Variants in SPOCK3 observed in about 807,000 individuals in gnomAD.
The protein encoded by SPOCK3 is testican-3.
A neutral mutation model predicts 56.6 loss-of-function variants in SPOCK3; 30 were observed. The ratio of observed to expected loss-of-function variants is 0.53; its 90% CI spans 0.40 to 0.72. SPOCK3 has a LOEUF of 0.72. SPOCK3 is among the 30% of genes least tolerant of loss of function. The pLI is 0.00. For missense variants in SPOCK3, 527 were observed against 530.0 expected (o/e 0.99, Z 0.06); for synonymous variants, 196 against 183.3 (o/e 1.07, Z -0.56).
chr4:167,098,618 A>T (rs1759365491), intron 2 of SPOCK3, among the ~76,000 whole-genome samples: 1 of 151,976 alleles, frequency 6.6e-6, no homozygotes, highest in African/African-American at 2.4e-5. Flanking sequence ...ATCTTCAAAG[A>T]TTCTCATCAC....
chr4:167,039,158 A>G (rs1753027613), intron 3 of SPOCK3, among the ~76,000 whole-genome samples: 1 of 151,984 alleles, frequency 6.6e-6, no homozygotes, highest in Admixed American at 6.6e-5. Context: ...CCTCAGTTTA[A>G]CCCCAATCTC....
At chr4:166,984,385 CA>C (rs2150099246) in intron 4 of SPOCK3, among the ~76,000 whole-genome samples, 1 of 152,182 alleles carries the variant, frequency 6.6e-6, no homozygotes, top group South Asian at 2.1e-4. Context: ...AGCTTGATCT[CA>C]ACAAAAGTTG....
At chr4:167,232,270 C>T (rs1737252723) in intron 2 of SPOCK3, among the ~76,000 whole-genome samples, 1 of 151,560 alleles carries the variant, frequency 6.6e-6, no homozygotes, top group Admixed American at 6.6e-5. Context: ...GAGAAGAAAG[C>T]TTTTATCTCT....
intron 2 of SPOCK3, among the ~76,000 whole-genome samples, chr4:167,134,612 C>T (rs1762967824): frequency 6.6e-6 from 1 of 151,936 alleles, no homozygotes; most frequent in African/African-American, 2.4e-5. Flanking sequence ...AAAAGAATTT[C>T]TGCTGGTTTA....
At chr4:166,976,586 A>G (rs1353904701) in intron 4 of SPOCK3, among the ~76,000 whole-genome samples, 6 of 152,294 alleles carry the variant, frequency 3.9e-5, no homozygotes, top group African/African-American at 1.4e-4. Flanking sequence ...TCCATACTCA[A>G]TGCAGCCATC....
intron 2 of SPOCK3, among the ~76,000 whole-genome samples, chr4:167,205,358 ATATT>A (rs1734056515): frequency 1.1e-4 from 4 of 37,772 alleles, no homozygotes; most frequent in Admixed American, 5.7e-4. Flanking sequence ...TATAATATAT[ATATT>A]ATATATTTTA....
rs183206932 is a variant in SPOCK3, at chr4:166,743,949, A to T, written c.932-1890T>A. ...TAAGGCTTGACTAGGTAAACAAAGC[A>T]GCCAGGAAGCTCGATCTGGGTGGAG... On this transcript the variant is annotated intron_variant, in intron 8 of 10. Coordinates refer to ENST00000357545, the MANE Select transcript of SPOCK3 (RefSeq NM_001040159.2). 4.6e-5 allele frequency among the ~76,000 whole-genome samples: 7 copies of T among 152,292 alleles called. No individual in the cohort carries two copies. The East Asian group carries it at 1.4e-3, about 30-fold the overall frequency.
chr4:167,035,269 G>A (rs11943986), intron 3 of SPOCK3, among the ~76,000 whole-genome samples: 52,978 of 151,856 alleles, frequency 0.35, 11,733 homozygotes, highest in African/African-American at 0.63. Context: ...TGTTGCTGTC[G>A]TGAGTTTTGC....
chr4:166,828,642 G>A (rs1427132229), intron 6 of SPOCK3, among the ~76,000 whole-genome samples: 1 of 151,908 alleles, frequency 6.6e-6, no homozygotes, highest in African/African-American at 2.4e-5. Flanking sequence ...TTGACATTGT[G>A]GTGGTAGGAA....
chr4:166,749,490 G>A (rs969145575), intron 8 of SPOCK3, among the ~76,000 whole-genome samples: 37 of 152,052 alleles, frequency 2.4e-4, no homozygotes, highest in Non-Finnish European at 3.8e-4. Context: ...CCTATGGTGC[G>A]GTGGGGGGAG....
chr4:167,114,500 G>T (rs560967831), intron 2 of SPOCK3, among the ~76,000 whole-genome samples: 1 of 152,052 alleles, frequency 6.6e-6, no homozygotes. Context: ...AGGCTTGCAC[G>T]TGTCTCCTCT....
At chr4:167,203,796 A>G (rs1326437990) in intron 2 of SPOCK3, among the ~76,000 whole-genome samples, 1 of 152,130 alleles carries the variant, frequency 6.6e-6, no homozygotes, top group Non-Finnish European at 1.5e-5. Flanking sequence ...CTCTACACAT[A>G]TGAGATAAAA....
intron 6 of SPOCK3, among the ~76,000 whole-genome samples, chr4:166,851,418 C>G (rs1011549911): frequency 3.9e-5 from 6 of 152,212 alleles, no homozygotes. Context: ...CGCCTCTCCT[C>G]CTGCAAAGGA....
chr4:166,739,715 T>TC (rs56790650), intron 9 of SPOCK3, among the ~76,000 whole-genome samples: 1 of 151,318 alleles, frequency 6.6e-6, no homozygotes, highest in Non-Finnish European at 1.5e-5. Context: ...TTTTTTTTTT[T>TC]CTGTGACCAG....
chr4:166,949,965 C>T (rs1001438091), intron 4 of SPOCK3, among the ~76,000 whole-genome samples: 1 of 150,940 alleles, frequency 6.6e-6, no homozygotes, highest in African/African-American at 2.5e-5. Flanking sequence ...CAATCGGTAC[C>T]AGCCACTGCA....
intron 6 of SPOCK3, among the ~76,000 whole-genome samples, chr4:166,855,636 C>T (rs1730565293): frequency 6.6e-6 from 1 of 152,228 alleles, no homozygotes; most frequent in African/African-American, 2.4e-5. Context: ...CTTTTCACTA[C>T]TACCACTCTT....
At chr4:167,205,726 C>T (rs1734259973) in intron 2 of SPOCK3, among the ~76,000 whole-genome samples, 1 of 143,122 alleles carries the variant, frequency 7.0e-6, no homozygotes, top group African/African-American at 2.6e-5. Flanking sequence ...AATTCTCCTG[C>T]CTCAGCCTCC....
intron 4 of SPOCK3, among the ~76,000 whole-genome samples, chr4:166,922,744 G>A (rs936500457): frequency 5.9e-5 from 9 of 152,134 alleles, no homozygotes; most frequent in Admixed American, 6.5e-5. Flanking sequence ...TTACAAGCAC[G>A]CAGGAAGCAG....
intron 2 of SPOCK3, among the ~76,000 whole-genome samples, chr4:167,104,413 AC>A (rs1370044862): frequency 6.6e-6 from 1 of 152,046 alleles, no homozygotes; most frequent in Non-Finnish European, 1.5e-5. Flanking sequence ...AACAGCAGAA[AC>A]TCTGGAGTTG....
Sources: gnomAD v4.1 joint callset for allele counts (sites outside exome capture counted in the v4.1 genomes callset) on GRCh38, gnomAD v4.1.1 for gene constraint, MANE v1.5 for transcripts, NCBI Gene and HGNC (gene_info 2026-07-23, HGNC 2026-07-21) for gene names.